SIN3A: variants seen among roughly 807,000 people sequenced by gnomAD.
SIN3A encodes the protein SIN3 transcription regulator family member A.
A neutral mutation model predicts 146.1 loss-of-function variants in SIN3A; 14 were observed. The observed-to-expected ratio is 0.10, with a 90% CI of 0.06 to 0.15. SIN3A has a LOEUF of 0.15. Among genes scored for constraint, SIN3A ranks in the 10% least tolerant of loss-of-function variants. SIN3A has a pLI of 1.00. For synonymous variants in SIN3A, 572 were observed against 572.0 expected (o/e 1.00, Z 0.00); for missense variants, 1,028 against 1,576.0 (o/e 0.65, Z 5.89).
chr15:75,424,923 A>G (rs1020685634), intron 2 of SIN3A, among the ~76,000 whole-genome samples: 5 of 152,216 alleles, frequency 3.3e-5, no homozygotes, highest in Non-Finnish European at 7.3e-5. Flanking sequence ...ACAATGATAT[A>G]TATGGATATA....
intron 2 of SIN3A, among the ~76,000 whole-genome samples, chr15:75,427,959 G>A (rs777522782): frequency 9.2e-5 from 14 of 151,706 alleles, no homozygotes; most frequent in African/African-American, 2.7e-4. Flanking sequence ...TGATAAGAGC[G>A]AAACTCCATC....
chr15:75,422,313 A>G (rs2073853341), intron 3 of SIN3A: 3 of 572,062 alleles, frequency 5.2e-6, no homozygotes, highest in Non-Finnish European at 9.3e-6. Context: ...CCTGTAGCCA[A>G]TCATATATGT....
At chr15:75,410,870 T>C (rs184518321) in intron 6 of SIN3A, among the ~76,000 whole-genome samples, 39 of 143,786 alleles carry the variant, frequency 2.7e-4, no homozygotes, top group Non-Finnish European at 4.4e-4. Flanking sequence ...ACCCCGTCTC[T>C]ACTAAAAATA....
intron 1 of SIN3A, 155 bp downstream of exon 1, chr15:75,451,268 G>T (rs1595936897): frequency 1.6e-5 from 1 of 61,578 alleles, no homozygotes; most frequent in African/African-American, 6.5e-5. Context: ...ACCCCGCTCC[G>T]CCCCCCACCC....
chr15:75,423,354 C>G (rs2073871716), intron 2 of SIN3A, among the ~76,000 whole-genome samples: 1 of 152,076 alleles, frequency 6.6e-6, no homozygotes, highest in Admixed American at 6.6e-5. Context: ...TTACAGCCCA[C>G]CAAAGTTATA....
chr15:75,411,482 C>T lies in SIN3A; in HGVS notation c.1008+10G>A. 3 of 1,608,144 alleles carry T rather than the reference C, an allele frequency of 1.9e-6. No homozygotes were observed. Among genetic ancestry groups the T allele is most frequent in the Non-Finnish European group, 2.6e-6 (3 of 1,176,330 alleles). The stretch of plus-strand genomic sequence containing the variant: ...ACCTGGTTAAGACAGGCTGAATGGG[C>T]ACTCCTTACCTGATATGTGTGCAAA... On this transcript the variant is annotated intron_variant, in intron 6 of 20. Coordinates refer to ENST00000394947, the MANE Select transcript of SIN3A (RefSeq NM_001145358.2).
chr15:75,403,039 T>C (rs1212508555), intron 9 of SIN3A, among the ~76,000 whole-genome samples: 1 of 152,200 alleles, frequency 6.6e-6, no homozygotes, highest in Non-Finnish European at 1.5e-5. Context: ...TGGGAATATA[T>C]ATGAAACAAG....
At chr15:75,404,282 T>C (rs938977596) in intron 9 of SIN3A, among the ~76,000 whole-genome samples, 7 of 152,244 alleles carry the variant, frequency 4.6e-5, no homozygotes, top group Non-Finnish European at 7.3e-5. Context: ...TTACTTTTTA[T>C]TAGCTTTTAA....
intron 9 of SIN3A, among the ~76,000 whole-genome samples, chr15:75,406,577 C>T (rs1435352625): frequency 6.6e-6 from 1 of 152,168 alleles, no homozygotes; most frequent in Non-Finnish European, 1.5e-5. Context: ...GTCCTAGCTA[C>T]TCGGGAGGCT....
upstream of SIN3A, among the ~76,000 whole-genome samples, chr15:75,452,404 G>A (rs187779668): frequency 1.3e-5 from 2 of 152,280 alleles, no homozygotes; most frequent in Non-Finnish European, 2.9e-5. Flanking sequence ...AGGATTTGAA[G>A]GAAAGGCAGC....
At chr15:75,454,247 A>G (rs796963261), upstream of SIN3A, among the ~76,000 whole-genome samples, 8 of 151,992 alleles carry the variant, frequency 5.3e-5, no homozygotes, top group African/African-American at 1.9e-4. Flanking sequence ...CACATCCAAG[A>G]AGGAGAAAAA....
At chr15:75,445,209 T>C (rs937018948) in intron 1 of SIN3A, among the ~76,000 whole-genome samples, 1 of 150,354 alleles carries the variant, frequency 6.7e-6, no homozygotes, top group African/African-American at 2.5e-5. Context: ...GGTAAAACCC[T>C]GTCTCTACTA....
At chr15:75,424,879 G>A (rs1485256481) in intron 2 of SIN3A, among the ~76,000 whole-genome samples, 1 of 152,072 alleles carries the variant, frequency 6.6e-6, no homozygotes, top group East Asian at 1.9e-4. Context: ...TAGTAACAAA[G>A]GATACAGATT....
chr15:75,414,369 A>C (rs554184593), intron 3 of SIN3A, 58 bp from the exon 4 acceptor site: 78 of 931,088 alleles, frequency 8.4e-5, no homozygotes, highest in African/African-American at 7.7e-4. Context: ...AATTACAAAA[A>C]AAAAACAAAA....
chr15:75,429,435 A>C (rs2073978605), intron 2 of SIN3A, among the ~76,000 whole-genome samples: 1 of 152,184 alleles, frequency 6.6e-6, no homozygotes, highest in Non-Finnish European at 1.5e-5. Flanking sequence ...AAAAAAAGAA[A>C]AAGGAAAAAA....
At chr15:75,402,260 C>T (rs991992829) in intron 9 of SIN3A, among the ~76,000 whole-genome samples, 5 of 152,142 alleles carry the variant, frequency 3.3e-5, no homozygotes, top group Non-Finnish European at 5.9e-5. Flanking sequence ...GCCTATAATC[C>T]CAGCACTTTG....
chr15:75,413,060 A>C lies in SIN3A; in HGVS notation c.474-15T>G. 1 of 1,585,842 alleles carries C rather than the reference A, an allele frequency of 6.3e-7. No homozygotes were observed. The highest frequency in any genetic ancestry group is 1.2e-5 in the South Asian group (1 of 85,776). Reference sequence around the variant, plus strand: ...GGGTGTCGATGCTGATAAAAAACAAAAAGAAAAGTGATAAACTGTAAGCTT... The same window carrying C: ...GGGTGTCGATGCTGATAAAAAACAACAAGAAAAGTGATAAACTGTAAGCTT... On this transcript the variant is annotated splice_polypyrimidine_tract_variant and intron_variant, in intron 4 of 20. Transcript: ENST00000394947.
intron 19 of SIN3A, among the ~76,000 whole-genome samples, chr15:75,380,384 A>T (rs2072941656): frequency 6.6e-6 from 1 of 152,196 alleles, no homozygotes; most frequent in Non-Finnish European, 1.5e-5. Context: ...AGACTCTGAC[A>T]CACATTCCCA....
chr15:75,438,661 C>A (rs1036012068), intron 1 of SIN3A, among the ~76,000 whole-genome samples: 1 of 152,126 alleles, frequency 6.6e-6, no homozygotes, highest in Admixed American at 6.5e-5. Context: ...TGCACTCCAG[C>A]ATGGGTGATG....
Sources: allele counts gnomAD v4.1 joint callset (sites outside exome capture counted in the v4.1 genomes callset), GRCh38; gene constraint gnomAD v4.1.1; transcripts MANE v1.5; gene names NCBI Gene and HGNC (gene_info 2026-07-23, HGNC 2026-07-21).